Variants in DIAPH2 observed in about 807,000 individuals in gnomAD.
DIAPH2 encodes protein diaphanous homolog 2.
A neutral mutation model predicts 92.7 loss-of-function variants in DIAPH2; 35 were observed. The ratio of observed to expected loss-of-function variants is 0.38; its 90% CI spans 0.29 to 0.50. The LOEUF is 0.50. Among genes scored for constraint, DIAPH2 ranks in the 20% least tolerant of loss-of-function variants. The pLI, the probability that DIAPH2 is intolerant of heterozygous loss-of-function variation, is 0.94. For synonymous variants in DIAPH2, 301 were observed against 280.4 expected, an observed-to-expected ratio of 1.07 and a Z score of -0.73; for missense variants, 701 against 819.5, an observed-to-expected ratio of 0.86 and a Z score of 1.77.
At chrX:97,275,369 G>T (rs866981480) in intron 23 of DIAPH2, among the ~76,000 whole-genome samples, 5 of 104,280 alleles carry the variant, frequency 4.8e-5, no homozygotes, top group Non-Finnish European at 9.9e-5. Context: ...CCGGGCGGGG[G>T]CTGCCCCCCC....
intron 22 of DIAPH2, among the ~76,000 whole-genome samples, chrX:97,219,908 C>A (rs2067911159): frequency 8.9e-6 from 1 of 111,824 alleles, no homozygotes; most frequent in African/African-American, 3.2e-5. Flanking sequence ...GAATTATAGA[C>A]CACTTAGAAG....
chrX:97,120,783 T>C (rs903032962), intron 21 of DIAPH2, among the ~76,000 whole-genome samples: 7 of 110,066 alleles, frequency 6.4e-5, no homozygotes, highest in African/African-American at 1.3e-4. Flanking sequence ...CTAGAGGCCA[T>C]TACATGGTAT....
At chrX:96,855,635 G>A (rs948683839) in intron 4 of DIAPH2, among the ~76,000 whole-genome samples, 1 of 109,283 alleles carries the variant, frequency 9.2e-6, no homozygotes, top group Non-Finnish European at 1.9e-5. Flanking sequence ...ATCATCCTAA[G>A]TGCTTAAAGA....
At chrX:96,812,040 G>A (rs1445919617) in intron 4 of DIAPH2, among the ~76,000 whole-genome samples, 5 of 111,839 alleles carry the variant, frequency 4.5e-5, no homozygotes, top group Non-Finnish European at 9.4e-5. Context: ...GTCATAAAAT[G>A]AGTTAGGGAG....
At chrX:97,330,665 A>AC (rs1220870618) in intron 23 of DIAPH2, among the ~76,000 whole-genome samples, 1 of 109,672 alleles carries the variant, frequency 9.1e-6, no homozygotes, top group African/African-American at 3.3e-5. Context: ...GGCGCCCGCC[A>AC]CCACGCCCAG....
intron 26 of DIAPH2, among the ~76,000 whole-genome samples, chrX:97,432,363 C>T (rs961511821): frequency 2.7e-5 from 3 of 109,862 alleles, no homozygotes; most frequent in South Asian, 8.0e-4. Context: ...GGTGCGATCT[C>T]GGCCCACTGC....
intron 4 of DIAPH2, among the ~76,000 whole-genome samples, chrX:96,819,285 T>C (rs1479590773): frequency 8.9e-6 from 1 of 112,734 alleles, no homozygotes; most frequent in African/African-American, 3.2e-5. Context: ...TATATTTTTA[T>C]TTCCTTTTAT....
intron 21 of DIAPH2, among the ~76,000 whole-genome samples, chrX:97,137,232 C>CTG (rs1359971979): frequency 2.1e-5 from 2 of 95,741 alleles, no homozygotes; most frequent in South Asian, 1.0e-3. Flanking sequence ...TAGTCAACCT[C>CTG]TGTGTGTGTG....
At chrX:97,239,834 A>ATCTCTCTCTCTC (rs370959933) in intron 22 of DIAPH2, among the ~76,000 whole-genome samples, 11 of 98,135 alleles carry the variant, frequency 1.1e-4, no homozygotes, top group South Asian at 1.1e-3. Flanking sequence ...TCTAGTAAAA[A>ATCTCTCTCTCTC]TCTCTCTCTC....
At chrX:97,542,669 AT>A (rs1482347720) in intron 26 of DIAPH2, among the ~76,000 whole-genome samples, 2 of 111,505 alleles carry the variant, frequency 1.8e-5, no homozygotes, top group Admixed American at 1.9e-4. Flanking sequence ...CCTTTCACAC[AT>A]TCTACCTATC....
At chrX:96,759,258 T>G (rs1215180410) in intron 4 of DIAPH2, among the ~76,000 whole-genome samples, 3 of 111,683 alleles carry the variant, frequency 2.7e-5, no homozygotes, top group Non-Finnish European at 3.8e-5. Flanking sequence ...GTACAGCAAT[T>G]CCAGTGGCAA....
At chrX:96,696,159 A>C (rs1354125127) in intron 1 of DIAPH2, among the ~76,000 whole-genome samples, 3 of 111,663 alleles carry the variant, frequency 2.7e-5, no homozygotes, top group African/African-American at 9.8e-5. Flanking sequence ...AGGCAGGAGG[A>C]TTGCTTGAGC....
chrX:97,301,150 CAAAAAAAAAAAA>C (rs1220185711), intron 23 of DIAPH2, among the ~76,000 whole-genome samples: 1 of 32,280 alleles, frequency 3.1e-5, no homozygotes, highest in East Asian at 9.2e-4. Flanking sequence ...GACTCCGTCT[CAAAAAAAAAAAA>C]AAAAAAAAAG....
intron 22 of DIAPH2, among the ~76,000 whole-genome samples, chrX:97,158,999 T>C (rs1193258647): frequency 8.9e-6 from 1 of 112,456 alleles, no homozygotes; most frequent in Non-Finnish European, 1.9e-5. Flanking sequence ...TTGAAAGGAA[T>C]ATAGAGTTAT....
At chrX:97,265,929 T>C (rs951992259) in intron 23 of DIAPH2, among the ~76,000 whole-genome samples, 3 of 112,219 alleles carry the variant, frequency 2.7e-5, no homozygotes, top group Admixed American at 9.5e-5. Flanking sequence ...CATCATTAAA[T>C]GTTTACTGTT....
chrX:97,125,240 C>T (rs944831886), intron 21 of DIAPH2, among the ~76,000 whole-genome samples: 8 of 109,732 alleles, frequency 7.3e-5, no homozygotes, highest in African/African-American at 2.0e-4. Flanking sequence ...TTTGGGAGGC[C>T]GAGGCGGGTG....
At chrX:96,964,853 A>C (rs1008311083) in intron 16 of DIAPH2, among the ~76,000 whole-genome samples, 26 of 111,242 alleles carry the variant, frequency 2.3e-4, no homozygotes, top group African/African-American at 7.5e-4. Flanking sequence ...CTTCCAGTAG[A>C]ATAGTTTTTA....
At chrX:96,970,382 A>C (rs186469074) in intron 17 of DIAPH2, among the ~76,000 whole-genome samples, 4,365 of 97,845 alleles carry the variant, frequency 0.045, 105 homozygotes, top group Middle Eastern at 0.09. Flanking sequence ...TGTTTTTGTC[A>C]TTTTTTTTTA....
chrX:97,587,844 A>C (rs2071489184), intron 26 of DIAPH2, among the ~76,000 whole-genome samples: 1 of 111,894 alleles, frequency 8.9e-6, no homozygotes. Context: ...TTCATTACTA[A>C]AGTCTTTGTA....
Sources: gnomAD v4.1 joint callset for allele counts (sites outside exome capture counted in the v4.1 genomes callset) on GRCh38, gnomAD v4.1.1 for gene constraint, MANE v1.5 for transcripts, NCBI Gene and HGNC (gene_info 2026-07-23, HGNC 2026-07-21) for gene names.